Variants in NOS1AP observed in about 807,000 individuals in gnomAD.
The protein encoded by NOS1AP is nitric oxide synthase 1 adaptor protein.
In NOS1AP, 21 loss-of-function variants were observed where a neutral mutation model predicts 56.2. The ratio of observed to expected loss-of-function variants is 0.37; its 90% CI spans 0.26 to 0.54. The LOEUF (loss-of-function observed/expected upper bound fraction) is 0.54, where lower values mean the gene tolerates loss of function less well. Ranked by LOEUF, NOS1AP falls within the 20% of genes least tolerant of loss-of-function variation. The pLI is 0.84. For missense variants in NOS1AP, 522 were observed against 657.8 expected (o/e 0.79, Z 2.26); for synonymous variants, 270 against 274.6 (o/e 0.98, Z 0.17).
chr1:162,337,755 A>G (rs760308548), intron 5 of NOS1AP, among the ~76,000 whole-genome samples: 1 of 152,232 alleles, frequency 6.6e-6, no homozygotes, highest in Non-Finnish European at 1.5e-5. Context: ...CTGTCAATGT[A>G]GAAAATCACA....
chr1:162,304,462 A>G (rs1049868236), intron 4 of NOS1AP, among the ~76,000 whole-genome samples: 1 of 152,102 alleles, frequency 6.6e-6, no homozygotes, highest in Admixed American at 6.6e-5. Context: ...TTTTTAAAAA[A>G]GTTTTTTTAT....
chr1:162,244,903 A>G (rs1224569550), intron 2 of NOS1AP, among the ~76,000 whole-genome samples: 2 of 152,204 alleles, frequency 1.3e-5, no homozygotes, highest in Non-Finnish European at 2.9e-5. Flanking sequence ...CTGGGCATGC[A>G]TGAGTATACA....
chr1:162,143,557 C>T (rs957585747), intron 1 of NOS1AP, among the ~76,000 whole-genome samples: 18 of 152,104 alleles, frequency 1.2e-4, no homozygotes, highest in African/African-American at 3.6e-4. Context: ...GGGGCTCAAG[C>T]GATCCTCCCA....
At chr1:162,106,051 C>G (rs1647495443) in intron 1 of NOS1AP, among the ~76,000 whole-genome samples, 1 of 152,140 alleles carries the variant, frequency 6.6e-6, no homozygotes, top group Non-Finnish European at 1.5e-5. Flanking sequence ...TGAGCCACTC[C>G]CTGAGTGGCT....
chr1:162,213,242 C>T lies in NOS1AP; in HGVS notation c.177+58766C>T, dbSNP rs185786437. ...TCCAATACATATTTAAATACCCCAG[C>T]AACTCTCATCCACAACATTAGCTGT... On this transcript the variant is annotated intron_variant, in intron 2 of 9. Transcript: ENST00000361897. 9.7e-4 allele frequency among the ~76,000 whole-genome samples: 148 copies of T among 152,336 alleles called. 1 individual carries two copies. The highest frequency in any genetic ancestry group is 3.5e-3 in the African/African-American group (144 of 41,576).
chr1:162,315,132 GA>G (rs573543140), intron 4 of NOS1AP, among the ~76,000 whole-genome samples: 38 of 152,330 alleles, frequency 2.5e-4, no homozygotes, highest in African/African-American at 9.1e-4. Context: ...TGGATGATGG[GA>G]ATGTTGGCCT....
chr1:162,175,534 G>C (rs769262323), intron 2 of NOS1AP, among the ~76,000 whole-genome samples: 2 of 152,080 alleles, frequency 1.3e-5, no homozygotes, highest in Non-Finnish European at 2.9e-5. Context: ...CTCATCTGGT[G>C]TATTTCCTGA....
chr1:162,187,291 T>C (rs910399985), intron 2 of NOS1AP, among the ~76,000 whole-genome samples: 2 of 152,190 alleles, frequency 1.3e-5, no homozygotes, highest in South Asian at 2.1e-4. Flanking sequence ...TTTGTGATCT[T>C]CTTTATTCAC....
intron 2 of NOS1AP, among the ~76,000 whole-genome samples, chr1:162,265,702 GGCAGTTGATTT>G (rs1390309174): frequency 6.6e-6 from 1 of 152,158 alleles, no homozygotes; most frequent in Non-Finnish European, 1.5e-5. Context: ...AGAAAACTGG[GGCAGTTGATTT>G]GCTTGAGATT....
At position 162,287,682 on chromosome 1, in the gene NOS1AP, T is replaced by TC. The variant is rs139787979; in HGVS notation, c.270+248dup. On this transcript the variant is annotated intron_variant, in intron 3 of 9. Transcript: ENST00000361897. ...AGGTGATGGGAGTCACCTCCTGTCATCCATGCCTTCAACCCCCCTCCCCAT... is the reference window on the plus strand; with the variant it reads ...AGGTGATGGGAGTCACCTCCTGTCATCCCATGCCTTCAACCCCCCTCCCCAT... 7.0e-3 allele frequency among the ~76,000 whole-genome samples: 1,065 copies of TC among 151,984 alleles called. 8 individuals carry two copies. Among genetic ancestry groups the TC allele is most frequent in the Non-Finnish European group, 0.013 (857 of 67,952 alleles).
At chr1:162,114,261 G>A (rs1647837674) in intron 1 of NOS1AP, among the ~76,000 whole-genome samples, 1 of 151,926 alleles carries the variant, frequency 6.6e-6, no homozygotes, top group Admixed American at 6.6e-5. Flanking sequence ...TATATATGAA[G>A]AGACTTATTG....
chr1:162,181,739 G>A (rs1170372151), intron 2 of NOS1AP, among the ~76,000 whole-genome samples: 2 of 152,178 alleles, frequency 1.3e-5, no homozygotes, highest in Non-Finnish European at 2.9e-5. Flanking sequence ...GTAGGATGGA[G>A]CCCAAAATGC....
rs1647345224 is a variant in NOS1AP at position 162,370,077 on chromosome 1, C to T, written c.*2610C>T. 6.6e-6 allele frequency: 1 copy of T among 152,300 alleles called. No individual in the cohort carries two copies. The highest frequency in any genetic ancestry group is 2.1e-4 in the South Asian group (1 of 4,830). The allele number at this position is 152,300 out of a possible 1,614,324, so 9.4% of individuals were successfully genotyped here. A position where few individuals can be genotyped will look rare whatever the true frequency, so the allele number is the denominator to read the frequency against. ...GTGCTAACCTTATTGGTGCCTGCCC[C>T]AGCCTACCCCAGGTGCCAGCAGACT... On this transcript the variant is annotated 3_prime_UTR_variant, in exon 10 of 10. Transcript: ENST00000361897.
Position 162,115,988 on chromosome 1 carries a change from G to T in NOS1AP, c.106-38417G>T, listed in dbSNP as rs1414270492. On this transcript the variant is annotated intron_variant, in intron 1 of 9. Coordinates refer to ENST00000361897, the MANE Select transcript of NOS1AP (RefSeq NM_014697.3). ...ACGATGTCAAATACTCAAAGTAGAA[G>T]GTTGTTTGGCGATTAGAGGATTCAA... 2.0e-5 allele frequency among the ~76,000 whole-genome samples: 3 copies of T among 152,186 alleles called. No homozygotes were observed. In the East Asian group the frequency reaches 5.8e-4, roughly 29 times the overall value.
chr1:162,175,606 G>T (rs530901335), intron 2 of NOS1AP, among the ~76,000 whole-genome samples: 2 of 152,270 alleles, frequency 1.3e-5, no homozygotes, highest in South Asian at 4.1e-4. Flanking sequence ...TAGATAGCAG[G>T]ATCGGAGGTG....
chr1:162,347,385 C>G (rs1422758306), intron 6 of NOS1AP, among the ~76,000 whole-genome samples: 1 of 152,184 alleles, frequency 6.6e-6, no homozygotes, highest in African/African-American at 2.4e-5. Context: ...GACACCTATT[C>G]CTGGAGTGAA....
intron 1 of NOS1AP, among the ~76,000 whole-genome samples, chr1:162,079,500 CTG>C (rs1161431267): frequency 1.3e-5 from 2 of 152,076 alleles, no homozygotes; most frequent in East Asian, 1.9e-4. Context: ...AGGAGCCAAA[CTG>C]TGTTTGGGTT....
At chr1:162,145,091 A>T (rs993675885) in intron 1 of NOS1AP, among the ~76,000 whole-genome samples, 4 of 152,200 alleles carry the variant, frequency 2.6e-5, no homozygotes, top group African/African-American at 9.7e-5. Flanking sequence ...ATCAATAGTG[A>T]CACAGTTGCA....
rs1381686100 is a variant in NOS1AP, at chr1:162,294,548, A to G, written c.271-6085A>G. On this transcript the variant is annotated intron_variant, in intron 3 of 9. Coordinates refer to ENST00000361897, the MANE Select transcript of NOS1AP (RefSeq NM_014697.3). ...TTTCTCACTCCAGAAAATGTTTACT[A>G]ATCGAGATATGAAGTTGAGCCTTCC... 2.0e-5 allele frequency among the ~76,000 whole-genome samples: 3 copies of G among 152,180 alleles called. No individual in the cohort carries two copies. In the South Asian group the frequency reaches 6.2e-4, roughly 32 times the overall value.
Sources: gnomAD v4.1 joint callset for allele counts (sites outside exome capture counted in the v4.1 genomes callset) on GRCh38, gnomAD v4.1.1 for gene constraint, MANE v1.5 for transcripts, NCBI Gene and HGNC (gene_info 2026-07-23, HGNC 2026-07-21) for gene names.